Variants in KCNMB2 observed in about 807,000 individuals in gnomAD.
The protein encoded by KCNMB2 is calcium-activated potassium channel subunit beta-2.
KCNMB2 carries 9 observed loss-of-function variants against 24.5 expected under a neutral mutation model. The observed-to-expected ratio is 0.37, with a 90% CI of 0.22 to 0.64. The LOEUF (loss-of-function observed/expected upper bound fraction) is 0.64, where lower values mean the gene tolerates loss of function less well. Among genes scored for constraint, KCNMB2 ranks in the 30% least tolerant of loss-of-function variants. The pLI is 0.63. For synonymous variants in KCNMB2, 109 were observed against 104.4 expected (o/e 1.04, Z -0.27); for missense variants, 226 against 284.3 (o/e 0.79, Z 1.47).
At chr3:178,597,899 C>G (rs1042940705) in intron 1 of KCNMB2, among the ~76,000 whole-genome samples, 5 of 151,934 alleles carry the variant, frequency 3.3e-5, no homozygotes, top group African/African-American at 1.2e-4. Context: ...TGTGTTGGCT[C>G]TTAAATATCT....
intron 1 of KCNMB2, among the ~76,000 whole-genome samples, chr3:178,622,685 C>T (rs73042336): frequency 6.6e-6 from 1 of 152,082 alleles, no homozygotes; most frequent in Non-Finnish European, 1.5e-5. Flanking sequence ...AACCTCTCTA[C>T]CTGCTGCTTC....
chr3:178,683,381 C>T (rs1721342488), intron 1 of KCNMB2, among the ~76,000 whole-genome samples: 1 of 151,750 alleles, frequency 6.6e-6, no homozygotes, highest in South Asian at 2.1e-4. Flanking sequence ...GCACTATGCT[C>T]AGTACCTATG....
intron 1 of KCNMB2, among the ~76,000 whole-genome samples, chr3:178,570,521 T>C (rs1479682654): frequency 8.5e-5 from 5 of 59,104 alleles, no homozygotes; most frequent in Non-Finnish European, 1.6e-4. Context: ...ATACCTTTTT[T>C]TTTTTTTTTT....
rs184327965 is a variant in KCNMB2 at position 178,844,060 on chromosome 3, T to C, written c.*1123T>C. On this transcript the variant is annotated 3_prime_UTR_variant, in exon 5 of 5. Transcript: ENST00000452583. ...TCTTTTTTCTAACACATATTTGAAC[T>C]GAATAACAGACTTAAAGAAAGCCTT... The C allele has an allele frequency of 9.9e-4, 151 of 152,720 alleles. 1 individual carries two copies. The highest frequency in any genetic ancestry group is 3.5e-3 in the African/African-American group (147 of 41,588). 9.5% of individuals were successfully genotyped at this position (152,720 alleles called of 1,614,324 possible). A position where few individuals can be genotyped will look rare whatever the true frequency, so the allele number is the denominator to read the frequency against.
chr3:178,659,770 G>C (rs1020000335), intron 1 of KCNMB2, among the ~76,000 whole-genome samples: 2 of 152,164 alleles, frequency 1.3e-5, no homozygotes, highest in African/African-American at 4.8e-5. Context: ...AATTAAATGA[G>C]ATAGTGTGTG....
intron 1 of KCNMB2, among the ~76,000 whole-genome samples, chr3:178,621,555 T>C (rs1030925973): frequency 3.3e-5 from 5 of 152,176 alleles, no homozygotes; most frequent in Admixed American, 1.3e-4. Flanking sequence ...ACAGTTTTCA[T>C]GCCCCTCTAA....
intron 1 of KCNMB2, among the ~76,000 whole-genome samples, chr3:178,691,256 T>C (rs973676756): frequency 6.6e-6 from 1 of 150,944 alleles, no homozygotes; most frequent in Non-Finnish European, 1.5e-5. Flanking sequence ...TTTAATTTTT[T>C]TTAACTTTTG....
intron 1 of KCNMB2, among the ~76,000 whole-genome samples, chr3:178,561,481 G>A (rs1254085656): frequency 6.6e-6 from 1 of 152,130 alleles, no homozygotes; most frequent in Non-Finnish European, 1.5e-5. Context: ...ATGGCTCTAC[G>A]ACTCTCAGTA....
At chr3:178,811,817 A>C (rs1714204899) in intron 2 of KCNMB2, among the ~76,000 whole-genome samples, 1 of 152,216 alleles carries the variant, frequency 6.6e-6, no homozygotes, top group Admixed American at 6.5e-5. Flanking sequence ...TGAGATTCCC[A>C]TTGCTCAACA....
chr3:178,788,828 T>A (rs1365415943), intron 1 of KCNMB2, among the ~76,000 whole-genome samples: 1 of 152,220 alleles, frequency 6.6e-6, no homozygotes, highest in Non-Finnish European at 1.5e-5. Flanking sequence ...TCCACACTTG[T>A]CTGACCTGCT....
chr3:178,643,212 T>C (rs1050327204), intron 1 of KCNMB2, among the ~76,000 whole-genome samples: 3 of 152,216 alleles, frequency 2.0e-5, no homozygotes, highest in African/African-American at 7.2e-5. Context: ...AACATAATTA[T>C]GGAGCTGGAG....
intron 1 of KCNMB2, among the ~76,000 whole-genome samples, chr3:178,757,434 C>A (rs202236146): frequency 9.3e-5 from 3 of 32,356 alleles, no homozygotes; most frequent in Admixed American, 4.2e-4. Flanking sequence ...GTATATATAT[C>A]CAAGAGGATA....
At position 178,812,943 on chromosome 3, in the gene KCNMB2, A is replaced by G. The variant is rs76351098; in HGVS notation, c.56+5478A>G. ...GTATTTACTATTCTTAGCCACTTGC[A>G]CTTCCAAGTAAGTTTTAAAATCAGG... On this transcript the variant is annotated intron_variant, in intron 2 of 4. Transcript: ENST00000452583. Among the ~76,000 whole-genome samples the G allele has an allele frequency of 7.4e-3, 1,121 of 152,304 alleles. 16 individuals carry two copies. The highest frequency in any genetic ancestry group is 0.025 in the African/African-American group (1,051 of 41,570).
chr3:178,808,332 C>G (rs534953344), intron 2 of KCNMB2, among the ~76,000 whole-genome samples: 1 of 152,244 alleles, frequency 6.6e-6, no homozygotes, highest in African/African-American at 2.4e-5. Flanking sequence ...GTATAATTGC[C>G]TTTACCAGCA....
At chr3:178,662,708 CACT>C (rs1224354532) in intron 1 of KCNMB2, among the ~76,000 whole-genome samples, 3 of 152,114 alleles carry the variant, frequency 2.0e-5, no homozygotes, top group African/African-American at 2.4e-5. Context: ...TACACTATTT[CACT>C]ACTAATTTAA....
At chr3:178,706,848 C>T (rs1202269590) in intron 1 of KCNMB2, among the ~76,000 whole-genome samples, 1 of 152,036 alleles carries the variant, frequency 6.6e-6, no homozygotes, top group Admixed American at 6.6e-5. Context: ...ACTTATTTAC[C>T]ATATCAACAC....
chr3:178,661,206 C>G lies in KCNMB2; in HGVS notation c.-68+124495C>G, dbSNP rs567232389. 2.8e-5 allele frequency among the ~76,000 whole-genome samples: 4 copies of G among 144,600 alleles called. No homozygotes were observed. The South Asian group carries it at 6.7e-4, about 24-fold the overall frequency. The allele number at this position is 144,600 out of a possible 152,430, so 94.9% of individuals were successfully genotyped here. ...CCTGTGTCCATGTGTTCTCATTGTT[C>G]AGCACCCACTTATGAGTGAGAACAT... On this transcript the variant is annotated intron_variant, in intron 1 of 4. Coordinates refer to ENST00000452583, the MANE Select transcript of KCNMB2 (RefSeq NM_181361.3).
At chr3:178,825,222 C>G (rs1236557108) in intron 2 of KCNMB2, among the ~76,000 whole-genome samples, 1 of 152,156 alleles carries the variant, frequency 6.6e-6, no homozygotes, top group African/African-American at 2.4e-5. Flanking sequence ...CAATAATGAT[C>G]AGATTTGGGT....
intron 1 of KCNMB2, among the ~76,000 whole-genome samples, chr3:178,680,866 C>T (rs1577092911): frequency 6.6e-6 from 1 of 152,122 alleles, no homozygotes; most frequent in Admixed American, 6.6e-5. Context: ...CCCCCAGATT[C>T]CCTAAACAGA....
Sources: allele counts gnomAD v4.1 joint callset (sites outside exome capture counted in the v4.1 genomes callset), GRCh38; gene constraint gnomAD v4.1.1; transcripts MANE v1.5; gene names NCBI Gene and HGNC (gene_info 2026-07-23, HGNC 2026-07-21).